Variants in SORCS2 observed in about 807,000 individuals in gnomAD.
The protein encoded by SORCS2 is sortilin related VPS10 domain containing receptor 2.
SORCS2 carries 100 observed loss-of-function variants against 141.6 expected under a neutral mutation model. The ratio of observed to expected loss-of-function variants is 0.71; its 90% CI spans 0.60 to 0.83. The LOEUF (loss-of-function observed/expected upper bound fraction) is 0.83. SORCS2 is among the 40% of genes least tolerant of loss of function. SORCS2 has a pLI of 0.00. For missense variants in SORCS2, 1,646 were observed against 1,560.2 expected (o/e 1.05, Z -0.93); for synonymous variants, 789 against 676.9 (o/e 1.17, Z -2.57).
chr4:7,721,943 CAGG>C (rs1726614872), intron 18 of SORCS2, among the ~76,000 whole-genome samples: 1 of 152,032 alleles, frequency 6.6e-6, no homozygotes, highest in Non-Finnish European at 1.5e-5. Flanking sequence ...TGAAATATAC[CAGG>C]ATGTGAATGG....
At chr4:7,444,094 AG>A (rs768556975) in intron 2 of SORCS2, among the ~76,000 whole-genome samples, 64 of 152,362 alleles carry the variant, frequency 4.2e-4, no homozygotes, top group Middle Eastern at 6.8e-3. Flanking sequence ...GAGGGGAAAT[AG>A]GCAGATCCTA....
Position 7,221,740 on chromosome 4 carries a change from G to A in SORCS2, c.480+28614G>A, listed in dbSNP as rs569334456. Reference sequence around the variant, plus strand: ...TTCCAGAGCTGCTGGGCCGTGGAGCGGGCAGCTCATTCTGTAGGAGGCCCA... The same window carrying A: ...TTCCAGAGCTGCTGGGCCGTGGAGCAGGCAGCTCATTCTGTAGGAGGCCCA... On this transcript the variant is annotated intron_variant, in intron 1 of 26. Transcript: ENST00000507866. Among the ~76,000 whole-genome samples, 15 of 152,328 alleles carry A rather than the reference G, an allele frequency of 9.8e-5. 1 individual carries two copies. Among genetic ancestry groups the A allele is most frequent in the Middle Eastern group, 3.4e-3 (1 of 294 alleles).
intron 2 of SORCS2, among the ~76,000 whole-genome samples, chr4:7,515,085 A>T (rs1732890434): frequency 6.6e-6 from 1 of 152,192 alleles, no homozygotes; most frequent in South Asian, 2.1e-4. Flanking sequence ...AGGGATGGGC[A>T]GGAAGGGGAC....
chr4:7,684,399 TCTTTCTACGCTGTCCCC>T (rs1723746963), intron 10 of SORCS2, among the ~76,000 whole-genome samples: 2 of 152,202 alleles, frequency 1.3e-5, no homozygotes, highest in Admixed American at 1.3e-4. Context: ...AAGCTCTCCC[TCTTTCTACGCTGTCCCC>T]AAGGCCTAGA....
At chr4:7,529,035 C>T (rs1193321077) in intron 2 of SORCS2, among the ~76,000 whole-genome samples, 1 of 152,178 alleles carries the variant, frequency 6.6e-6, no homozygotes, top group African/African-American at 2.4e-5. Flanking sequence ...GACTCAGGGC[C>T]CACCCTCACC....
intron 1 of SORCS2, among the ~76,000 whole-genome samples, chr4:7,237,892 T>C (rs1266362414): frequency 6.6e-6 from 1 of 152,008 alleles, no homozygotes; most frequent in Non-Finnish European, 1.5e-5. Context: ...CCATGATCCA[T>C]CTGAAATGTG....
intron 1 of SORCS2, among the ~76,000 whole-genome samples, chr4:7,203,248 A>G (rs1053638433): frequency 2.3e-4 from 35 of 152,190 alleles, no homozygotes; most frequent in African/African-American, 7.7e-4. Context: ...CCTGGCCAAC[A>G]TGGTGAAAAT....
intron 2 of SORCS2, among the ~76,000 whole-genome samples, chr4:7,398,620 C>G (rs1258046384): frequency 6.6e-6 from 1 of 152,176 alleles, no homozygotes; most frequent in Admixed American, 6.5e-5. Flanking sequence ...TTTATATTAT[C>G]TTTTCTGATG....
At chr4:7,433,554 G>A (rs1727042630) in intron 2 of SORCS2, 1 of 1,611,026 alleles carries the variant, frequency 6.2e-7, no homozygotes, top group Non-Finnish European at 8.5e-7. Flanking sequence ...CGTACTGGGT[G>A]ACGAAGTGCT....
At chr4:7,265,257 C>T (rs1287832883) in intron 1 of SORCS2, among the ~76,000 whole-genome samples, 3 of 152,156 alleles carry the variant, frequency 2.0e-5, no homozygotes, top group African/African-American at 7.2e-5. Context: ...CTTTGGGAGG[C>T]CGAGGCAGGT....
intron 3 of SORCS2, among the ~76,000 whole-genome samples, chr4:7,572,202 C>T (rs1013313104): frequency 5.9e-5 from 9 of 152,132 alleles, no homozygotes; most frequent in African/African-American, 2.2e-4. Flanking sequence ...ACAGGGCGTC[C>T]AAAGCTGAGG....
intron 1 of SORCS2, among the ~76,000 whole-genome samples, chr4:7,288,693 C>A (rs1436082630): frequency 6.6e-6 from 1 of 150,740 alleles, no homozygotes; most frequent in Non-Finnish European, 1.5e-5. Context: ...GGTCCCTACT[C>A]CTGTGACCTC....
chr4:7,231,981 A>G (rs1711922254), intron 1 of SORCS2, among the ~76,000 whole-genome samples: 1 of 152,152 alleles, frequency 6.6e-6, no homozygotes, highest in Non-Finnish European at 1.5e-5. Flanking sequence ...GGAGATGCAG[A>G]TGTCCTGGCC....
At chr4:7,527,259 C>T (rs184222504) in intron 2 of SORCS2, among the ~76,000 whole-genome samples, 52 of 152,364 alleles carry the variant, frequency 3.4e-4, no homozygotes, top group African/African-American at 1.2e-3. Context: ...ACGTCCTAAT[C>T]CCCGGAAACT....
At chr4:7,252,439 G>A (rs752402889) in intron 1 of SORCS2, among the ~76,000 whole-genome samples, 31 of 152,244 alleles carry the variant, frequency 2.0e-4, no homozygotes, top group Non-Finnish European at 4.0e-4. Context: ...AGGGTGGTCC[G>A]TGCTTCTCAC....
intron 3 of SORCS2, among the ~76,000 whole-genome samples, chr4:7,552,661 A>G (rs1420837735): frequency 6.6e-6 from 1 of 152,198 alleles, no homozygotes; most frequent in Non-Finnish European, 1.5e-5. Context: ...ACCTCCTGCC[A>G]TGGCCGTGGC....
At chr4:7,704,082 G>T in intron 13 of SORCS2, 95 bp from the exon 14 acceptor site, 2 of 1,106,250 alleles carry the variant, frequency 1.8e-6, no homozygotes, top group Non-Finnish European at 2.7e-6. Flanking sequence ...GGCTAGTGCA[G>T]CCTCCGCCCC....
Position 7,706,136 on chromosome 4 carries a change from CCTGGACAGAGAAGAGGCTGGGCTCCGT to C in SORCS2, c.1868+1857_1868+1883del, listed in dbSNP as rs1560498648. ...TGGGCAGGGATGAGGCTGGGCTCCGCCTGGACAGAGAAGAGGCTGGGCTCCGTCTGGGCAGGGATGAGGCTGGGCTCC... is the reference window on the plus strand; with the variant it reads ...TGGGCAGGGATGAGGCTGGGCTCCGCCTGGGCAGGGATGAGGCTGGGCTCC... On this transcript the variant is annotated intron_variant, in intron 14 of 26. Transcript: ENST00000507866. Among the ~76,000 whole-genome samples, 37 of 116,570 alleles carry C rather than the reference CCTGGACAGAGAAGAGGCTGGGCTCCGT, an allele frequency of 3.2e-4. 1 individual carries two copies. The highest frequency in any genetic ancestry group is 4.5e-4 in the African/African-American group (14 of 31,104). The allele number at this position is 116,570 out of a possible 152,430, so 76.5% of individuals were successfully genotyped here. A position where few individuals can be genotyped will look rare whatever the true frequency, so the allele number is the denominator to read the frequency against.
At chr4:7,382,465 C>T (rs921931445) in intron 1 of SORCS2, among the ~76,000 whole-genome samples, 41 of 152,086 alleles carry the variant, frequency 2.7e-4, no homozygotes, top group Admixed American at 2.5e-3. Flanking sequence ...ACCAGATCCC[C>T]GAGTTGAGTT....
Sources: gnomAD v4.1 joint callset for allele counts (sites outside exome capture counted in the v4.1 genomes callset) on GRCh38, gnomAD v4.1.1 for gene constraint, MANE v1.5 for transcripts, NCBI Gene and HGNC (gene_info 2026-07-23, HGNC 2026-07-21) for gene names.